Variants in DOCK3 observed in about 807,000 individuals in gnomAD.
DOCK3 encodes dedicator of cytokinesis protein 3.
Under a neutral mutation model 265.6 loss-of-function variants are expected in DOCK3, and 60 were observed. The ratio of observed to expected loss-of-function variants is 0.23; its 90% CI spans 0.18 to 0.28. The LOEUF is 0.28. DOCK3 is among the 10% of genes least tolerant of loss of function. The pLI is 1.00. For missense variants in DOCK3, 1,981 were observed against 2,594.3 expected, an observed-to-expected ratio of 0.76 and a Z score of 5.14; for synonymous variants, 881 against 938.0, an observed-to-expected ratio of 0.94 and a Z score of 1.11.
At chr3:50,986,937 AC>A (rs2077925459) in intron 5 of DOCK3, among the ~76,000 whole-genome samples, 1 of 152,212 alleles carries the variant, frequency 6.6e-6, no homozygotes, top group Non-Finnish European at 1.5e-5. Context: ...GAGCCTGGAA[AC>A]CCATTGCCTA....
At chr3:51,285,813 T>C (rs1407548536) in intron 27 of DOCK3, among the ~76,000 whole-genome samples, 1 of 151,984 alleles carries the variant, frequency 6.6e-6, no homozygotes, top group East Asian at 1.9e-4. Context: ...CGGGCGCCTG[T>C]AATCCCAGCT....
intron 3 of DOCK3, among the ~76,000 whole-genome samples, chr3:50,846,969 G>T (rs2107327021): frequency 6.6e-6 from 1 of 151,834 alleles, no homozygotes; most frequent in East Asian, 1.9e-4. Flanking sequence ...TGGATTTTGG[G>T]TTCTCAATTT....
At chr3:50,921,866 C>T (rs1217187025) in intron 4 of DOCK3, among the ~76,000 whole-genome samples, 3 of 152,192 alleles carry the variant, frequency 2.0e-5, no homozygotes, top group Non-Finnish European at 1.5e-5. Flanking sequence ...GGCTGCAGAA[C>T]AGCAAATATT....
At chr3:50,698,685 T>C (rs1006548169) in intron 1 of DOCK3, among the ~76,000 whole-genome samples, 5 of 151,964 alleles carry the variant, frequency 3.3e-5, no homozygotes, top group African/African-American at 1.2e-4. Context: ...TTTCTTCATA[T>C]CCTCACCCAT....
intron 14 of DOCK3, among the ~76,000 whole-genome samples, chr3:51,223,431 G>A (rs1257404147): frequency 6.6e-6 from 1 of 152,044 alleles, no homozygotes; most frequent in Non-Finnish European, 1.5e-5. Context: ...ATTATTTTCA[G>A]AATAACTTCC....
At chr3:50,726,866 T>G (rs2037863038) in intron 1 of DOCK3, among the ~76,000 whole-genome samples, 1 of 152,142 alleles carries the variant, frequency 6.6e-6, no homozygotes, top group African/African-American at 2.4e-5. Flanking sequence ...TTGTGAGACT[T>G]GCAAAGAAAC....
At chr3:50,836,474 A>C (rs567353764) in intron 2 of DOCK3, among the ~76,000 whole-genome samples, 5 of 152,314 alleles carry the variant, frequency 3.3e-5, no homozygotes, top group African/African-American at 1.2e-4. Flanking sequence ...TCACCCTCTG[A>C]AGCAACAGCC....
At chr3:51,161,443 CAA>C (rs1160336812) in intron 12 of DOCK3, among the ~76,000 whole-genome samples, 6 of 121,820 alleles carry the variant, frequency 4.9e-5, no homozygotes, top group Admixed American at 8.6e-5. Flanking sequence ...GACTCCGTCT[CAA>C]AAAAAAAAAA....
chr3:51,067,544 C>G (rs1222247260), intron 6 of DOCK3, among the ~76,000 whole-genome samples: 1 of 151,500 alleles, frequency 6.6e-6, no homozygotes, highest in Non-Finnish European at 1.5e-5. Context: ...CTTCCCTTCT[C>G]CCTCTTTCCT....
At chr3:50,701,905 G>T (rs528430143) in intron 1 of DOCK3, among the ~76,000 whole-genome samples, 6 of 152,122 alleles carry the variant, frequency 3.9e-5, no homozygotes, top group Non-Finnish European at 8.8e-5. Context: ...GGTTTTCTCT[G>T]TTCTGTTCCA....
intron 4 of DOCK3, among the ~76,000 whole-genome samples, chr3:50,900,375 T>G (rs953690266): frequency 6.6e-6 from 1 of 152,202 alleles, no homozygotes; most frequent in African/African-American, 2.4e-5. Flanking sequence ...TAGCAATTCT[T>G]CTAACCTTTT....
chr3:51,196,719 C>T (rs2088320124), intron 12 of DOCK3, among the ~76,000 whole-genome samples: 1 of 152,150 alleles, frequency 6.6e-6, no homozygotes, highest in African/African-American at 2.4e-5. Context: ...TCTTCAATTG[C>T]AGAATTTCTA....
intron 5 of DOCK3, among the ~76,000 whole-genome samples, chr3:51,039,534 T>C (rs574304236): frequency 6.6e-6 from 1 of 152,344 alleles, no homozygotes; most frequent in East Asian, 1.9e-4. Context: ...CTGGGGGCTA[T>C]TAAGTGGCAT....
intron 27 of DOCK3, among the ~76,000 whole-genome samples, chr3:51,284,556 G>A (rs1349248364): frequency 1.3e-5 from 2 of 152,164 alleles, no homozygotes; most frequent in African/African-American, 4.8e-5. Flanking sequence ...GCAGAAAAGG[G>A]GCAGGAACAT....
intron 33 of DOCK3, among the ~76,000 whole-genome samples, chr3:51,330,739 G>A (rs2084463342): frequency 6.6e-6 from 1 of 152,132 alleles, no homozygotes; most frequent in African/African-American, 2.4e-5. Context: ...GGGTTCTTCT[G>A]GATCCTCCAT....
intron 7 of DOCK3, among the ~76,000 whole-genome samples, chr3:51,078,581 A>G (rs1207689613): frequency 6.6e-6 from 1 of 152,196 alleles, no homozygotes; most frequent in Non-Finnish European, 1.5e-5. Flanking sequence ...TGTAGGAAAA[A>G]CATTTGGCTT....
chr3:50,724,503 A>G (rs2037687988), intron 1 of DOCK3, among the ~76,000 whole-genome samples: 2 of 152,218 alleles, frequency 1.3e-5, no homozygotes, highest in South Asian at 2.1e-4. Context: ...ATGCAATACT[A>G]TGCAGCCATA....
intron 5 of DOCK3, among the ~76,000 whole-genome samples, chr3:51,041,063 G>A (rs1456388907): frequency 6.7e-6 from 1 of 149,214 alleles, no homozygotes; most frequent in African/African-American, 2.5e-5. Context: ...GCTCTTAATG[G>A]CCTCTAGAAT....
At chr3:51,351,733 C>T (rs1407445092) in intron 40 of DOCK3, among the ~76,000 whole-genome samples, 2 of 151,126 alleles carry the variant, frequency 1.3e-5, no homozygotes, top group East Asian at 1.9e-4. Context: ...CTTGGCTCAC[C>T]GCAACCTCCA....
Sources: gnomAD v4.1 joint callset for allele counts (sites outside exome capture counted in the v4.1 genomes callset) on GRCh38, gnomAD v4.1.1 for gene constraint, MANE v1.5 for transcripts, NCBI Gene and HGNC (gene_info 2026-07-23, HGNC 2026-07-21) for gene names.